CNTN3: variants seen among roughly 807,000 people sequenced by gnomAD.
CNTN3 encodes contactin-3.
A neutral mutation model predicts 119.1 loss-of-function variants in CNTN3; 60 were observed. The observed-to-expected ratio is 0.50, with a 90% CI of 0.41 to 0.62. The LOEUF (loss-of-function observed/expected upper bound fraction) is 0.62, where lower values mean the gene tolerates loss of function less well. Ranked by LOEUF, CNTN3 falls within the 20% of genes least tolerant of loss-of-function variation. The pLI is 0.00. For missense variants in CNTN3, 1,101 were observed against 1,242.4 expected (o/e 0.89, Z 1.71); for synonymous variants, 450 against 438.7 (o/e 1.03, Z -0.32).
chr3:74,428,688 G>A (rs1241374863), intron 4 of CNTN3, among the ~76,000 whole-genome samples: 3 of 152,094 alleles, frequency 2.0e-5, no homozygotes, highest in Admixed American at 6.6e-5. Flanking sequence ...ATTCAGTGTA[G>A]CCTAAGTGTA....
Position 74,604,952 on chromosome 3 carries a change from T to C in CNTN3, c.-81+9439A>G, listed in dbSNP as rs368258069. Among the ~76,000 whole-genome samples the C allele has an allele frequency of 1.1e-4, 16 of 152,252 alleles. 1 individual carries two copies. The highest frequency in any genetic ancestry group is 3.4e-4 in the African/African-American group (14 of 41,552). On this transcript the variant is annotated intron_variant, in intron 1 of 22. Coordinates refer to ENST00000263665, the MANE Select transcript of CNTN3 (RefSeq NM_020872.3). ...TGTGGTATATACACACAATGGAATA[T>C]TATGCAGCCATTGAAAAGGAAGGAA...
chr3:74,547,852 T>G (rs2107155819), intron 1 of CNTN3, among the ~76,000 whole-genome samples: 1 of 152,310 alleles, frequency 6.6e-6, no homozygotes, highest in South Asian at 2.1e-4. Context: ...AATGGCTATC[T>G]TGATTAAGAA....
At chr3:74,344,771 T>C (rs898067710) in intron 11 of CNTN3, among the ~76,000 whole-genome samples, 3 of 152,118 alleles carry the variant, frequency 2.0e-5, no homozygotes, top group Non-Finnish European at 4.4e-5. Context: ...TTACGCAGTG[T>C]TTTTAACCTT....
rs141767554 is a variant in CNTN3 at position 74,266,775 on chromosome 3, T to C, written c.2818-126A>G. ...TCCACTAGAATGTAAGTTTCATTCA[T>C]GACTCTAATTGTAAGTCTTAGATTA... On this transcript the variant is annotated intron_variant, in intron 21 of 22. Coordinates refer to ENST00000263665, the MANE Select transcript of CNTN3 (RefSeq NM_020872.3). 9.1e-5 allele frequency: 69 copies of C among 758,800 alleles called. No homozygotes were observed. The African/African-American group carries it at 1.1e-3, about 12-fold the overall frequency. 47.0% of individuals were successfully genotyped at this position (758,800 alleles called of 1,614,324 possible).
intron 10 of CNTN3, among the ~76,000 whole-genome samples, chr3:74,362,820 T>C (rs1405472031): frequency 1.3e-5 from 2 of 152,204 alleles, no homozygotes; most frequent in East Asian, 1.9e-4. Context: ...TCCAAGTGAA[T>C]ACAATTTATT....
At chr3:74,384,523 G>A (rs1262173624) in intron 5 of CNTN3, among the ~76,000 whole-genome samples, 2 of 152,108 alleles carry the variant, frequency 1.3e-5, no homozygotes, top group Non-Finnish European at 2.9e-5. Context: ...CTTTCAAATG[G>A]AGAAATATTG....
chr3:74,458,324 G>C (rs1447049242), intron 4 of CNTN3, among the ~76,000 whole-genome samples: 2 of 152,046 alleles, frequency 1.3e-5, no homozygotes, highest in East Asian at 3.9e-4. Flanking sequence ...GCAAACTACA[G>C]CTGGAGGGCC....
chr3:74,365,798 T>C (rs1377556406), intron 8 of CNTN3, 96 bp from the exon 9 acceptor site: 5 of 1,361,894 alleles, frequency 3.7e-6, no homozygotes, highest in Non-Finnish European at 5.0e-6. Flanking sequence ...TTAATAGAAA[T>C]GGACATGATA....
chr3:74,501,691 A>G (rs370888178), intron 2 of CNTN3, among the ~76,000 whole-genome samples: 12 of 152,162 alleles, frequency 7.9e-5, no homozygotes, highest in East Asian at 7.7e-4. Flanking sequence ...ATTAGCCCTT[A>G]CTAATCCCCA....
chr3:74,466,046 A>C (rs1702454625), intron 4 of CNTN3, among the ~76,000 whole-genome samples: 1 of 152,170 alleles, frequency 6.6e-6, no homozygotes. Context: ...TGTAGAGCTT[A>C]AGCCAGTTCT....
intron 5 of CNTN3, among the ~76,000 whole-genome samples, chr3:74,398,945 A>G (rs1364700735): frequency 6.6e-6 from 1 of 152,200 alleles, no homozygotes; most frequent in Non-Finnish European, 1.5e-5. Context: ...ATTGCAATAC[A>G]TACAATGTTT....
intron 5 of CNTN3, among the ~76,000 whole-genome samples, chr3:74,422,207 C>T (rs568281748): frequency 1.3e-4 from 20 of 152,258 alleles, no homozygotes; most frequent in African/African-American, 4.1e-4. Flanking sequence ...TGAATACCTC[C>T]GCATTACAGA....
At chr3:74,449,584 A>T (rs1295687639) in intron 4 of CNTN3, among the ~76,000 whole-genome samples, 1 of 152,108 alleles carries the variant, frequency 6.6e-6, no homozygotes, top group African/African-American at 2.4e-5. Flanking sequence ...AAAAATAAGA[A>T]ACAGATAAGT....
At position 74,301,720 on chromosome 3, in the gene CNTN3, G is replaced by A; in HGVS notation, c.1872C>T (p.Asn624=). The change falls in exon 15 of 23, where the codon AAC becomes AAT. Residue 624 remains asparagine (N), a synonymous_variant. Coordinates refer to ENST00000263665, the MANE Select transcript of CNTN3 (RefSeq NM_020872.3). ...TAGAATAGGATATAACTGGGCTATG[G>A]TTGTCTTTACCTTCTTTCCAAGAGA... ...AQLSWKEGKD[N]HSPVISYSIQ... is the part of the protein sequence containing the mutation. 6.2e-7 allele frequency: 1 copy of A among 1,614,102 alleles called. No individual in the cohort carries two copies. The highest frequency in any genetic ancestry group is 8.5e-7 in the Non-Finnish European group (1 of 1,179,976).
rs1036221406 is a variant in CNTN3, at chr3:74,413,643, C to T, written c.454+11202G>A. Among the ~76,000 whole-genome samples, 6 of 152,284 alleles carry T rather than the reference C, an allele frequency of 3.9e-5. No homozygotes were observed. In the South Asian group the frequency reaches 6.2e-4, roughly 16 times the overall value. ...AAGCCTCAAATCCTAGCCCTCCTTTCGTTTGAATTACTTGGCTGCATGCTG... is the reference window on the plus strand; with the variant it reads ...AAGCCTCAAATCCTAGCCCTCCTTTTGTTTGAATTACTTGGCTGCATGCTG... On this transcript the variant is annotated intron_variant, in intron 5 of 22. Transcript: ENST00000263665.
chr3:74,511,314 A>G (rs748096627), intron 2 of CNTN3, among the ~76,000 whole-genome samples: 2 of 152,146 alleles, frequency 1.3e-5, no homozygotes, highest in Non-Finnish European at 2.9e-5. Context: ...GATGTCAGCA[A>G]GAAATTCACA....
chr3:74,419,182 A>G (rs1701578926), intron 5 of CNTN3, among the ~76,000 whole-genome samples: 2 of 152,196 alleles, frequency 1.3e-5, no homozygotes, highest in Non-Finnish European at 2.9e-5. Flanking sequence ...AAGCTGTATT[A>G]TACTTACAGA....
intron 19 of CNTN3, among the ~76,000 whole-genome samples, chr3:74,287,364 G>A (rs1702135221): frequency 2.6e-5 from 4 of 152,030 alleles, no homozygotes; most frequent in Non-Finnish European, 5.9e-5. Context: ...TACCACTGCA[G>A]CAGAGATTTC....
At chr3:74,425,547 G>A (rs928648946) in intron 4 of CNTN3, among the ~76,000 whole-genome samples, 6 of 152,082 alleles carry the variant, frequency 3.9e-5, no homozygotes, top group African/African-American at 1.4e-4. Context: ...CAAAGACAAA[G>A]CGTGTATCAG....
Sources: gnomAD v4.1 joint callset for allele counts (sites outside exome capture counted in the v4.1 genomes callset) on GRCh38, gnomAD v4.1.1 for gene constraint, MANE v1.5 for transcripts, NCBI Gene and HGNC (gene_info 2026-07-23, HGNC 2026-07-21) for gene names.